The following RAD51B variants were observed in gnomAD, a reference collection of about 807,000 sequenced individuals.
The protein encoded by RAD51B is RAD51 paralog B, also known as DNA repair protein RAD51 homolog 2.
A neutral mutation model predicts 42.2 loss-of-function variants in RAD51B; 38 were observed. That is an observed-to-expected ratio of 0.90 (90% confidence interval 0.70 to 1.18). The LOEUF is 1.18. Ranked by LOEUF, RAD51B falls within the 50% of genes most tolerant of loss-of-function variation. The pLI is 0.00. For synonymous variants in RAD51B, 154 were observed against 145.2 expected (o/e 1.06, Z -0.43); for missense variants, 373 against 400.7 (o/e 0.93, Z 0.59).
intron 7 of RAD51B, among the ~76,000 whole-genome samples, chr14:68,015,342 TA>T (rs756526758): frequency 5.3e-5 from 8 of 152,220 alleles, no homozygotes; most frequent in East Asian, 3.9e-4. Flanking sequence ...AATATTATAA[TA>T]GGGGGAGGCA....
intron 9 of RAD51B, among the ~76,000 whole-genome samples, chr14:68,439,777 T>G (rs985804319): frequency 1.3e-5 from 2 of 152,234 alleles, no homozygotes; most frequent in Non-Finnish European, 2.9e-5. Flanking sequence ...AACATTTTAA[T>G]GGCTGGAAAT....
intron 11 of RAD51B, among the ~76,000 whole-genome samples, chr14:68,667,113 T>C (rs1470021700): frequency 6.6e-6 from 1 of 152,208 alleles, no homozygotes; most frequent in African/African-American, 2.4e-5. Flanking sequence ...GATGTAGCTA[T>C]AGACGAGATG....
intron 7 of RAD51B, among the ~76,000 whole-genome samples, chr14:68,099,529 C>T (rs1258661273): frequency 1.3e-5 from 2 of 152,212 alleles, no homozygotes; most frequent in East Asian, 3.9e-4. Flanking sequence ...TGCTCTGTGG[C>T]AGTTTTCCAT....
At chr14:68,545,931 C>T (rs1316298543) in intron 10 of RAD51B, among the ~76,000 whole-genome samples, 1 of 152,142 alleles carries the variant, frequency 6.6e-6, no homozygotes, top group Non-Finnish European at 1.5e-5. Flanking sequence ...GGCACAGATA[C>T]CTGCCCCACC....
chr14:68,261,348 G>T (rs1365642629), intron 7 of RAD51B, among the ~76,000 whole-genome samples: 1 of 152,224 alleles, frequency 6.6e-6, no homozygotes, highest in Non-Finnish European at 1.5e-5. Flanking sequence ...GGCCTCAAAG[G>T]TTCCCGGAGC....
chr14:67,939,666 T>G (rs1034231519), intron 7 of RAD51B, among the ~76,000 whole-genome samples: 1 of 152,076 alleles, frequency 6.6e-6, no homozygotes, highest in Non-Finnish European at 1.5e-5. Flanking sequence ...TTCTCACAGT[T>G]CTGAAGGCTG....
chr14:68,555,826 T>C (rs1456003414), intron 10 of RAD51B, among the ~76,000 whole-genome samples: 1 of 152,118 alleles, frequency 6.6e-6, no homozygotes, highest in Non-Finnish European at 1.5e-5. Context: ...ATCCCACCCC[T>C]CACCATTAGA....
At chr14:68,545,969 A>G (rs1420424450) in intron 10 of RAD51B, among the ~76,000 whole-genome samples, 1 of 152,154 alleles carries the variant, frequency 6.6e-6, no homozygotes, top group Non-Finnish European at 1.5e-5. Context: ...GCAACTTAGA[A>G]GTATTTTATT....
chr14:67,961,377 A>G (rs1165464903), intron 7 of RAD51B, among the ~76,000 whole-genome samples: 1 of 152,234 alleles, frequency 6.6e-6, no homozygotes, highest in East Asian at 1.9e-4. Flanking sequence ...AGCTTGAAAC[A>G]GAAGAACAAA....
At chr14:68,138,592 T>G (rs1260093585) in intron 7 of RAD51B, among the ~76,000 whole-genome samples, 1 of 152,192 alleles carries the variant, frequency 6.6e-6, no homozygotes, top group African/African-American at 2.4e-5. Context: ...CTCCCTAATT[T>G]ATGTATTTAT....
intron 7 of RAD51B, among the ~76,000 whole-genome samples, chr14:67,937,195 A>G (rs1595134529): frequency 6.6e-6 from 1 of 152,208 alleles, no homozygotes; most frequent in Non-Finnish European, 1.5e-5. Context: ...CCCTAAATCC[A>G]TATGTAATAC....
chr14:68,093,424 T>C (rs946091793), intron 7 of RAD51B, among the ~76,000 whole-genome samples: 1 of 152,034 alleles, frequency 6.6e-6, no homozygotes, highest in Non-Finnish European at 1.5e-5. Flanking sequence ...CTGGTTTAGT[T>C]TTGGGAGGGT....
intron 7 of RAD51B, among the ~76,000 whole-genome samples, chr14:68,215,688 A>G (rs2079800724): frequency 6.6e-6 from 1 of 152,228 alleles, no homozygotes; most frequent in African/African-American, 2.4e-5. Flanking sequence ...GAACGTGCCC[A>G]AAGGCACTGG....
intron 10 of RAD51B, among the ~76,000 whole-genome samples, chr14:68,637,548 G>A (rs111632407): frequency 6.6e-6 from 1 of 152,216 alleles, no homozygotes; most frequent in Non-Finnish European, 1.5e-5. Context: ...GTAATGGGGA[G>A]ACGGAGAAGA....
chr14:68,254,845 A>G (rs906905264), intron 7 of RAD51B, among the ~76,000 whole-genome samples: 1 of 152,202 alleles, frequency 6.6e-6, no homozygotes, highest in Non-Finnish European at 1.5e-5. Flanking sequence ...TACAAGGCAT[A>G]CCATTGGGCC....
chr14:68,506,791 G>T (rs1885361123), intron 10 of RAD51B, among the ~76,000 whole-genome samples: 1 of 152,212 alleles, frequency 6.6e-6, no homozygotes, highest in Non-Finnish European at 1.5e-5. Context: ...TGTCTTGGGG[G>T]AAATTGAGGG....
intron 7 of RAD51B, among the ~76,000 whole-genome samples, chr14:68,042,319 G>A (rs913550858): frequency 3.0e-4 from 45 of 152,268 alleles, no homozygotes; most frequent in Non-Finnish European, 4.9e-4. Flanking sequence ...GGTCATAATA[G>A]TATTTTATTT....
At chr14:68,462,129 G>C (rs1236088211) in intron 9 of RAD51B, among the ~76,000 whole-genome samples, 1 of 152,192 alleles carries the variant, frequency 6.6e-6, no homozygotes, top group African/African-American at 2.4e-5. Flanking sequence ...GGTAGAAACA[G>C]GTAGCAGTAT....
chr14:68,618,415 G>A (rs1466042406), intron 10 of RAD51B, among the ~76,000 whole-genome samples: 1 of 152,072 alleles, frequency 6.6e-6, no homozygotes, highest in Non-Finnish European at 1.5e-5. Flanking sequence ...CCATCCTATT[G>A]GGAGGCCCTC....
Sources: allele counts gnomAD v4.1 joint callset (sites outside exome capture counted in the v4.1 genomes callset), GRCh38; gene constraint gnomAD v4.1.1; transcripts MANE v1.5; gene names NCBI Gene and HGNC (gene_info 2026-07-23, HGNC 2026-07-21).